WARS1: variants seen among roughly 807,000 people sequenced by gnomAD.
WARS1 encodes tryptophanyl-tRNA synthetase 1.
Under a neutral mutation model 47.8 loss-of-function variants are expected in WARS1, and 17 were observed. The observed-to-expected ratio is 0.36, with a 90% CI of 0.24 to 0.53. WARS1 has a LOEUF of 0.53. WARS1 is among the 20% of genes least tolerant of loss of function. WARS1 has a pLI of 0.91. For missense variants in WARS1, 434 were observed against 608.0 expected (o/e 0.71, Z 3.01); for synonymous variants, 208 against 228.1 (o/e 0.91, Z 0.79).
rs113714472 is a variant in WARS1, at chr14:100,335,092, C to T, written c.1255-56G>A. The T allele has an allele frequency of 1.4e-4, 225 of 1,566,390 alleles. No individual in the cohort carries two copies. The African/African-American group carries it at 2.9e-3, about 20-fold the overall frequency. ...TGGCTCCACATGTCCTGAGTGGCTC[C>T]TTCCTGCCTCGGGCACCAGCTCAGC... On this transcript the variant is annotated intron_variant, in intron 10 of 10. Transcript: ENST00000392882.
At chr14:100,359,966 A>G (rs1183607080) in intron 4 of WARS1, among the ~76,000 whole-genome samples, 1 of 152,214 alleles carries the variant, frequency 6.6e-6, no homozygotes, top group Non-Finnish European at 1.5e-5. Context: ...ATCAGATCAT[A>G]AATTCCATGG....
intron 7 of WARS1, among the ~76,000 whole-genome samples, chr14:100,346,062 C>T (rs1018940144): frequency 1.3e-5 from 2 of 152,230 alleles, no homozygotes; most frequent in East Asian, 1.9e-4. Context: ...CCTGAAGCCA[C>T]GCACCAAACA....
intron 6 of WARS1, among the ~76,000 whole-genome samples, chr14:100,350,750 T>C (rs960038615): frequency 6.6e-6 from 1 of 152,118 alleles, no homozygotes; most frequent in Non-Finnish European, 1.5e-5. Context: ...TCAGGAACTA[T>C]GTGTCTTACT....
intron 1 of WARS1, among the ~76,000 whole-genome samples, chr14:100,371,102 G>A (rs1896319304): frequency 1.3e-5 from 2 of 151,980 alleles, no homozygotes; most frequent in South Asian, 4.1e-4. Context: ...ATACATTTGT[G>A]GTGTCATTTA....
rs1896252509 is a variant in WARS1, at chr14:100,370,082, G to A, written c.-73-824C>T. 2.6e-5 allele frequency among the ~76,000 whole-genome samples: 4 copies of A among 152,168 alleles called. No homozygotes were observed. In the South Asian group the frequency reaches 8.3e-4, roughly 32 times the overall value. ...CTGGTCAGCTGCTCTCAGACAAAGT[G>A]AGCTCTGGGGTGGAGGACAGGGCCT... On this transcript the variant is annotated intron_variant, in intron 1 of 10. Coordinates refer to ENST00000392882, the MANE Select transcript of WARS1 (RefSeq NM_004184.4).
At chr14:100,359,826 AG>A (rs1395526301) in intron 4 of WARS1, among the ~76,000 whole-genome samples, 2 of 152,230 alleles carry the variant, frequency 1.3e-5, no homozygotes, top group Non-Finnish European at 2.9e-5. Flanking sequence ...TATTCCACCC[AG>A]AAAGTGGGTT....
At chr14:100,343,117 T>G (rs1228441888) in intron 8 of WARS1, among the ~76,000 whole-genome samples, 158 bp downstream of exon 8, 1 of 152,214 alleles carries the variant, frequency 6.6e-6, no homozygotes, top group Non-Finnish European at 1.5e-5. Context: ...CCTCAAGTGA[T>G]CCGCCTGCCT....
chr14:100,342,696 T>G, intron 8 of WARS1, 125 bp from the exon 9 acceptor site: 1 of 766,856 alleles, frequency 1.3e-6, no homozygotes, highest in Non-Finnish European at 1.9e-6. Flanking sequence ...ATTCACTCCC[T>G]CCTCCCCTTC....
chr14:100,373,060 T>C lies in WARS1; in HGVS notation c.-74+2223A>G, dbSNP rs1377519665. Among the ~76,000 whole-genome samples the C allele has an allele frequency of 6.6e-6, 1 of 152,232 alleles. No individual in the cohort carries two copies. Among genetic ancestry groups the C allele is most frequent in the Non-Finnish European group, 1.5e-5 (1 of 68,048 alleles). On this transcript the variant is annotated intron_variant, in intron 1 of 10. Transcript: ENST00000392882. This position sits in a 1 kb window ranked among gnomAD's most constrained non-coding sequence, Gnocchi z 4.4. Reference sequence around the variant, plus strand: ...AGTAACTTTATGAAAGCACTCACACTGCAGTTTAGTTATTCATGTCTTCCC... The same window carrying C: ...AGTAACTTTATGAAAGCACTCACACCGCAGTTTAGTTATTCATGTCTTCCC...
rs879678211 is a variant in WARS1, at chr14:100,368,817, T to G, written c.99+270A>C. 1.1e-4 allele frequency among the ~76,000 whole-genome samples: 16 copies of G among 152,140 alleles called. No individual in the cohort carries two copies. In the East Asian group the frequency reaches 2.9e-3, roughly 28 times the overall value. ...TCTCTACTAAAAATACAAAATTAGCTGGGTGTGGTGGTGCATGCCTGTAAT... is the reference window on the plus strand; with the variant it reads ...TCTCTACTAAAAATACAAAATTAGCGGGGTGTGGTGGTGCATGCCTGTAAT... On this transcript the variant is annotated intron_variant, in intron 2 of 10. Transcript: ENST00000392882.
intron 5 of WARS1, 95 bp downstream of exon 5, chr14:100,354,352 G>A: frequency 6.6e-7 from 1 of 1,511,914 alleles, no homozygotes; most frequent in Non-Finnish European, 8.9e-7. Context: ...CTCAGCAAAT[G>A]AACTAGCATG....
intron 6 of WARS1, among the ~76,000 whole-genome samples, chr14:100,351,499 CA>C (rs71464656): frequency 0.42 from 48,391 of 114,808 alleles, 8,973 homozygotes; most frequent in East Asian, 0.62. Context: ...GACTCTGTCT[CA>C]AAAAAAAAAA....
At position 100,334,828 on chromosome 14, in the gene WARS1, A is replaced by C. The variant is rs1410425906; in HGVS notation, c.*47T>G. The C allele has an allele frequency of 6.3e-7, 1 of 1,599,620 alleles. No individual in the cohort carries two copies. The highest frequency in any genetic ancestry group is 2.2e-5 in the East Asian group (1 of 44,716). On this transcript the variant is annotated 3_prime_UTR_variant, in exon 11 of 11. Transcript: ENST00000392882. ...CTTTGACTGGGCTGGGATTATTGATACATTACTGATACATCACTTCTTTTA... is the reference window on the plus strand; with the variant it reads ...CTTTGACTGGGCTGGGATTATTGATCCATTACTGATACATCACTTCTTTTA...
chr14:100,348,532 C>G (rs1313867896), intron 6 of WARS1, among the ~76,000 whole-genome samples: 1 of 152,206 alleles, frequency 6.6e-6, no homozygotes, highest in African/African-American at 2.4e-5. Context: ...ATGGAAACAA[C>G]AGAGAGCAAG....
At chr14:100,371,700 A>G (rs1184441203) in intron 1 of WARS1, among the ~76,000 whole-genome samples, 3 of 152,134 alleles carry the variant, frequency 2.0e-5, no homozygotes, top group African/African-American at 7.2e-5. Context: ...ATGCCACTGC[A>G]CTCCAACCTG....
chr14:100,371,185 C>T (rs931917234), intron 1 of WARS1, among the ~76,000 whole-genome samples: 66 of 152,082 alleles, frequency 4.3e-4, no homozygotes, highest in Admixed American at 1.0e-3. Context: ...TGGTGGCTCA[C>T]GCCTATAATC....
intron 4 of WARS1, among the ~76,000 whole-genome samples, chr14:100,360,247 T>C (rs889621580): frequency 6.6e-6 from 1 of 152,238 alleles, no homozygotes; most frequent in African/African-American, 2.4e-5. Context: ...TTATTCTCTT[T>C]TGTTTTCATG....
At chr14:100,345,421 G>A (rs950684632) in intron 7 of WARS1, among the ~76,000 whole-genome samples, 1 of 152,108 alleles carries the variant, frequency 6.6e-6, no homozygotes, top group African/African-American at 2.4e-5. Context: ...ATGGATTAAG[G>A]GCGGTGCAAG....
intron 6 of WARS1, among the ~76,000 whole-genome samples, chr14:100,350,320 A>G (rs1894885288): frequency 6.9e-6 from 1 of 144,704 alleles, no homozygotes; most frequent in South Asian, 2.4e-4. Flanking sequence ...TGAACCCAGG[A>G]GGCAGATATT....
Sources: allele counts gnomAD v4.1 joint callset (sites outside exome capture counted in the v4.1 genomes callset), GRCh38; gene constraint gnomAD v4.1.1; non-coding constraint Gnocchi (gnomAD v3.1); transcripts MANE v1.5; gene names NCBI Gene and HGNC (gene_info 2026-07-23, HGNC 2026-07-21).